GOLGA3: variants seen among roughly 807,000 people sequenced by gnomAD.
GOLGA3 encodes the protein golgin subfamily A member 3.
In GOLGA3, 75 loss-of-function variants were observed where a neutral mutation model predicts 169.4. The observed-to-expected ratio is 0.44, with a 90% CI of 0.37 to 0.54. The LOEUF (loss-of-function observed/expected upper bound fraction) is 0.54. GOLGA3 is among the 20% of genes least tolerant of loss of function. GOLGA3 has a pLI of 0.00. For missense variants in GOLGA3, 1,899 were observed against 1,930.0 expected (o/e 0.98, Z 0.30); for synonymous variants, 824 against 822.4 (o/e 1.00, Z -0.03).
intron 12 of GOLGA3, among the ~76,000 whole-genome samples, chr12:132,789,906 G>A (rs913921693): frequency 1.3e-5 from 2 of 152,178 alleles, no homozygotes; most frequent in Admixed American, 1.3e-4. Flanking sequence ...GGTGGTGCAT[G>A]CTTGTAGTCC....
At chr12:132,818,817 C>T (rs1950095229) in intron 2 of GOLGA3, among the ~76,000 whole-genome samples, 1 of 152,096 alleles carries the variant, frequency 6.6e-6, no homozygotes, top group Non-Finnish European at 1.5e-5. Flanking sequence ...GAAGCAGAGA[C>T]AGCCCAGAAC....
In GOLGA3 at chr12:132,780,896, G is replaced by C; in HGVS notation, c.3484C>G (p.Arg1162Gly). The change falls in exon 18 of 24, where the codon CGC becomes GGC. Residue 1162 changes from arginine to glycine, a missense_variant. Physicochemically the swap from Arg to Gly is moderately radical, Grantham distance 125 (BLOSUM62 -2). Coordinates refer to ENST00000450791, the MANE Select transcript of GOLGA3 (RefSeq NM_001389683.1). ...ATCTGGCGATCCTCCTCTTCTTTGCGCTGCAAAACTGCCTGCACCTAGATC... is the reference window on the plus strand; with the variant it reads ...ATCTGGCGATCCTCCTCTTCTTTGCCCTGCAAAACTGCCTGCACCTAGATC... ...LNLQVQAVLQRKEEEDRQMKH... is the reference protein window; with the variant it reads ...LNLQVQAVLQGKEEEDRQMKH... The C allele has an allele frequency of 6.2e-7, 1 of 1,611,060 alleles. No homozygotes were observed. Among genetic ancestry groups the C allele is most frequent in the Non-Finnish European group, 8.5e-7 (1 of 1,179,680 alleles).
intron 17 of GOLGA3, 55 bp from the exon 18 acceptor site, chr12:132,780,969 A>T: frequency 7.4e-7 from 1 of 1,342,380 alleles, no homozygotes; most frequent in Non-Finnish European, 1.1e-6. Context: ...ACAAACACAC[A>T]AGGCTGCTAC....
intron 11 of GOLGA3, among the ~76,000 whole-genome samples, chr12:132,792,758 GGACT>G (rs1948612386): frequency 3.5e-5 from 2 of 57,372 alleles, no homozygotes; most frequent in Non-Finnish European, 6.7e-5. Flanking sequence ...GGCTCCACAC[GGACT>G]GACCGCACGG....
At chr12:132,795,787 A>G (rs1282712867) in intron 11 of GOLGA3, 65 bp downstream of exon 11, 1 of 1,478,538 alleles carries the variant, frequency 6.8e-7, no homozygotes, top group Non-Finnish European at 9.2e-7. Context: ...GAAAGAAGCA[A>G]ATAATCAGCA....
At chr12:132,794,527 C>T (rs1376132228) in intron 11 of GOLGA3, among the ~76,000 whole-genome samples, 2 of 152,186 alleles carry the variant, frequency 1.3e-5, no homozygotes, top group Admixed American at 6.5e-5. Context: ...CCACCACCTT[C>T]ATCTGCCCTG....
In GOLGA3 at chr12:132,784,156, G is replaced by A; in HGVS notation, c.3267+8C>T. ...ACGCTGCCGCCACAGCAGATGGCCA[G>A]GCCTCACCTCGTCCTCCAGCTCCAG... On this transcript the variant is annotated splice_region_variant and intron_variant, in intron 16 of 23. Coordinates refer to ENST00000450791, the MANE Select transcript of GOLGA3 (RefSeq NM_001389683.1). The A allele has an allele frequency of 6.2e-7, 1 of 1,605,940 alleles. No homozygotes were observed. Among genetic ancestry groups the A allele is most frequent in the Non-Finnish European group, 8.5e-7 (1 of 1,179,894 alleles).
At chr12:132,787,711 A>T (rs1593267358) in intron 13 of GOLGA3, among the ~76,000 whole-genome samples, 1 of 50,706 alleles carries the variant, frequency 2.0e-5, no homozygotes, top group African/African-American at 9.4e-5. Flanking sequence ...AGACCCCGGG[A>T]CCCCTCCCCG....
intron 15 of GOLGA3, 144 bp from the exon 16 acceptor site, chr12:132,784,451 G>C: frequency 1.4e-6 from 1 of 692,464 alleles, no homozygotes; most frequent in Non-Finnish European, 2.4e-6. Flanking sequence ...CTTCCTTTTT[G>C]TTAAAGAAGT....
intron 2 of GOLGA3, 42 bp from the exon 3 acceptor site, chr12:132,816,854 C>A (rs758336193): frequency 1.3e-6 from 2 of 1,527,636 alleles, no homozygotes; most frequent in Non-Finnish European, 8.8e-7. Context: ...GCTTTAACAA[C>A]AAGGTGACGT....
chr12:132,794,575 A>G (rs1048731716), intron 11 of GOLGA3, among the ~76,000 whole-genome samples: 1 of 152,238 alleles, frequency 6.6e-6, no homozygotes, highest in African/African-American at 2.4e-5. Context: ...CTTGGATTAA[A>G]TAACTGCCAG....
At chr12:132,776,882 C>G in intron 20 of GOLGA3, 76 bp downstream of exon 20, 4 of 1,545,406 alleles carry the variant, frequency 2.6e-6, no homozygotes, top group Non-Finnish European at 3.5e-6. Context: ...CTGTTGCTCC[C>G]CAAGCAGGAT....
At chr12:132,812,812 C>G (rs1440550624) in intron 4 of GOLGA3, among the ~76,000 whole-genome samples, 1 of 152,198 alleles carries the variant, frequency 6.6e-6, no homozygotes, top group Admixed American at 6.5e-5. Flanking sequence ...TACCACAGCC[C>G]AACCTTCAGC....
chr12:132,803,997 G>A (rs913351443), intron 7 of GOLGA3, among the ~76,000 whole-genome samples: 2 of 152,178 alleles, frequency 1.3e-5, no homozygotes, highest in Admixed American at 6.5e-5. Flanking sequence ...AGTCTTCTCC[G>A]TGTCTGCTGG....
rs919248430 is a variant in GOLGA3 at position 132,773,430 on chromosome 12, C to T, written c.4308-136G>A. ...GGGATCCGCAAACCAACTGAGACCACAGAAGCTCAGCTGTTCTCAGCACCG... is the reference window on the plus strand; with the variant it reads ...GGGATCCGCAAACCAACTGAGACCATAGAAGCTCAGCTGTTCTCAGCACCG... On this transcript the variant is annotated intron_variant, in intron 23 of 23. Coordinates refer to ENST00000450791, the MANE Select transcript of GOLGA3 (RefSeq NM_001389683.1). 15 of 520,722 alleles carry T rather than the reference C, an allele frequency of 2.9e-5. No homozygotes were observed. In the Admixed American group the frequency reaches 4.0e-4, roughly 14 times the overall value. The allele number at this position is 520,722 out of a possible 1,614,324, so 32.3% of individuals were successfully genotyped here.
intron 1 of GOLGA3, among the ~76,000 whole-genome samples, chr12:132,822,896 T>G (rs566147565): frequency 6.1e-4 from 93 of 152,358 alleles, no homozygotes; most frequent in Non-Finnish European, 1.0e-4. Flanking sequence ...CACTGCAGCC[T>G]GGGTGACAGA....
intron 2 of GOLGA3, among the ~76,000 whole-genome samples, chr12:132,818,511 C>T (rs1265253111): frequency 6.6e-6 from 1 of 152,244 alleles, no homozygotes; most frequent in African/African-American, 2.4e-5. Flanking sequence ...GCCTCGGCCT[C>T]CCACAGTGCT....
At chr12:132,774,122 G>T in intron 23 of GOLGA3, 35 bp downstream of exon 23, 1 of 1,531,856 alleles carries the variant, frequency 6.5e-7, no homozygotes. Context: ...TAATCTTTAA[G>T]ACTAGCTGAA....
At chr12:132,823,557 G>A (rs537364687) in intron 1 of GOLGA3, among the ~76,000 whole-genome samples, 2 of 152,300 alleles carry the variant, frequency 1.3e-5, no homozygotes, top group African/African-American at 2.4e-5. Flanking sequence ...AGGCCAAGGC[G>A]GGCGGATCAC....
Sources: allele counts gnomAD v4.1 joint callset (sites outside exome capture counted in the v4.1 genomes callset), GRCh38; gene constraint gnomAD v4.1.1; transcripts MANE v1.5; gene names NCBI Gene and HGNC (gene_info 2026-07-23, HGNC 2026-07-21).